The following MYT1 variants were observed in gnomAD, a reference collection of about 807,000 sequenced individuals.
MYT1 encodes myelin transcription factor I.
MYT1 carries 23 observed loss-of-function variants against 123.0 expected under a neutral mutation model. The observed-to-expected ratio is 0.19, with a 90% CI of 0.13 to 0.26. The LOEUF (loss-of-function observed/expected upper bound fraction) is 0.26, where lower values mean the gene tolerates loss of function less well. Ranked by LOEUF, MYT1 falls within the 10% of genes least tolerant of loss-of-function variation. MYT1 has a pLI of 1.00. For missense variants in MYT1, 1,125 were observed against 1,472.5 expected, an observed-to-expected ratio of 0.76 and a Z score of 3.86; for synonymous variants, 518 against 575.3, an observed-to-expected ratio of 0.90 and a Z score of 1.43.
At chr20:64,173,261 C>T (rs549074248) in intron 1 of MYT1, among the ~76,000 whole-genome samples, 2 of 152,254 alleles carry the variant, frequency 1.3e-5, no homozygotes, top group Non-Finnish European at 2.9e-5. Flanking sequence ...TCCTGAGCAC[C>T]GTGGGAGGGT....
Position 64,202,147 on chromosome 20 carries a change from A to G in MYT1, c.86+2225A>G, listed in dbSNP as rs535706667. Among the ~76,000 whole-genome samples the G allele has an allele frequency of 2.2e-4, 34 of 152,210 alleles. No homozygotes were observed. The highest frequency in any genetic ancestry group is 7.5e-4 in the African/African-American group (31 of 41,540). On this transcript the variant is annotated intron_variant, in intron 4 of 22. Coordinates refer to ENST00000328439, the MANE Select transcript of MYT1 (RefSeq NM_004535.3). This position sits in a 1 kb window ranked among gnomAD's most constrained non-coding sequence, Gnocchi z 5.0. ...CACAGCCTGCAGTGCCCCTAACCCC[A>G]GCTCGCCTCCCCACCAGCTCAGGCA...
At position 64,240,900 on chromosome 20, in the gene MYT1, G is replaced by T; in HGVS notation, c.*452G>T. On this transcript the variant is annotated 3_prime_UTR_variant, in exon 23 of 23. Coordinates refer to ENST00000328439, the MANE Select transcript of MYT1 (RefSeq NM_004535.3). ...GGGGCAGCGTGTCTGTGCTCAGTGA[G>T]GGCCGATGAAGAAAGTGCGTTTTCT... 1 of 164,050 alleles carries T rather than the reference G, an allele frequency of 6.1e-6. No individual in the cohort carries two copies. The highest frequency in any genetic ancestry group is 1.3e-5 in the Non-Finnish European group (1 of 75,236). 10.2% of individuals were successfully genotyped at this position (164,050 alleles called of 1,614,324 possible).
At chr20:64,207,454 G>A (rs1983513575) in intron 6 of MYT1, 140 bp from the exon 7 acceptor site, 1 of 1,445,778 alleles carries the variant, frequency 6.9e-7, no homozygotes, top group Admixed American at 2.4e-5. Flanking sequence ...CCCACTTCTG[G>A]AGTTTCATGT....
chr20:64,172,989 A>G (rs951009292), intron 1 of MYT1, among the ~76,000 whole-genome samples: 12 of 151,992 alleles, frequency 7.9e-5, no homozygotes, highest in African/African-American at 2.7e-4. Flanking sequence ...TCGGCCTCCC[A>G]AAGTGTTAGG....
chr20:64,165,985 A>G (rs1021943661), intron 1 of MYT1, among the ~76,000 whole-genome samples: 1 of 152,048 alleles, frequency 6.6e-6, no homozygotes, highest in Non-Finnish European at 1.5e-5. Flanking sequence ...GTGCCAGCAG[A>G]GCCTGTCCTG....
chr20:64,184,208 C>G (rs1424552629), intron 1 of MYT1, among the ~76,000 whole-genome samples: 2 of 152,118 alleles, frequency 1.3e-5, no homozygotes, highest in African/African-American at 4.8e-5. Context: ...GTGTTGTTGT[C>G]ATAGCTAAGA....
intron 21 of MYT1, among the ~76,000 whole-genome samples, chr20:64,238,415 CT>C (rs1984613895): frequency 6.6e-6 from 1 of 151,596 alleles, no homozygotes; most frequent in Non-Finnish European, 1.5e-5. Context: ...TGACTCTGCT[CT>C]GGTCTCTACT....
At chr20:64,223,857 G>T (rs555816293) in intron 16 of MYT1, among the ~76,000 whole-genome samples, 1 of 152,164 alleles carries the variant, frequency 6.6e-6, no homozygotes, top group Non-Finnish European at 1.5e-5. Flanking sequence ...AGCTGCTTCT[G>T]CCTTGGCCCT....
intron 20 of MYT1, among the ~76,000 whole-genome samples, chr20:64,237,051 C>T (rs1448965553): frequency 2.0e-5 from 3 of 152,200 alleles, no homozygotes; most frequent in East Asian, 3.8e-4. Context: ...AGCCTTTCCA[C>T]CTGCCAGCCA....
chr20:64,197,410 GC>G lies in MYT1; in HGVS notation c.1-1447del, dbSNP rs201241469. On this transcript the variant is annotated intron_variant, in intron 2 of 22. Transcript: ENST00000328439. ...CCATTTAAGACGTGGGGGCTTCTGA[GC>G]CCCCTCCTGCTGCCTCTCTTCCTTT... 8.9e-3 allele frequency among the ~76,000 whole-genome samples: 1,353 copies of G among 152,286 alleles called. 25 individuals are homozygous for G. Among genetic ancestry groups the G allele is most frequent in the African/African-American group, 0.031 (1,299 of 41,546 alleles).
intron 16 of MYT1, among the ~76,000 whole-genome samples, chr20:64,225,140 A>C (rs1293702538): frequency 1.3e-5 from 2 of 152,116 alleles, no homozygotes; most frequent in African/African-American, 4.8e-5. Context: ...ATGGGAGGCC[A>C]CTTCCTTTCC....
chr20:64,217,225 A>G lies in MYT1; in HGVS notation c.1790A>G (p.Lys597Arg). The G allele has an allele frequency of 6.2e-7, 1 of 1,614,262 alleles. No homozygotes were observed. Among genetic ancestry groups the G allele is most frequent in the Non-Finnish European group, 8.5e-7 (1 of 1,180,048 alleles). Residue 597 changes from lysine to arginine, a missense_variant, in exon 11 of 23, where the codon AAA becomes AGA. Coordinates refer to ENST00000328439, the MANE Select transcript of MYT1 (RefSeq NM_004535.3). ...YASFDAQVFG[K>R]RMLAPKIQTS... ...AGTTTCGATGCTCAGGTTTTTGGCA[A>G]ACGCATGCTTGCCCCAAAGATTCAG...
chr20:64,200,904 C>T (rs1043750132), intron 4 of MYT1, among the ~76,000 whole-genome samples: 1 of 152,192 alleles, frequency 6.6e-6, no homozygotes, highest in Admixed American at 6.5e-5. Context: ...CGGGTGCTCC[C>T]CAGAACACAG....
At chr20:64,222,942 T>C (rs573621035) in intron 14 of MYT1, among the ~76,000 whole-genome samples, 169 bp from the exon 15 acceptor site, 2 of 152,340 alleles carry the variant, frequency 1.3e-5, no homozygotes, top group Admixed American at 1.3e-4. Context: ...GGGAGAAACT[T>C]CCAGCCTGAG....
chr20:64,221,785 TG>T, intron 13 of MYT1, 107 bp from the exon 14 acceptor site: 1 of 1,148,200 alleles, frequency 8.7e-7, no homozygotes, highest in Admixed American at 2.5e-5. Flanking sequence ...CTCCGGGAGA[TG>T]CTTCTGTGGA....
intron 21 of MYT1, 59 bp from the exon 22 acceptor site, chr20:64,239,701 G>T: frequency 6.2e-7 from 1 of 1,606,184 alleles, no homozygotes; most frequent in South Asian, 1.1e-5. Context: ...GCCCAGAGAG[G>T]ACCCCCAGGA....
intron 7 of MYT1, among the ~76,000 whole-genome samples, chr20:64,209,435 TCTC>T (rs1242815680): frequency 6.6e-6 from 1 of 152,182 alleles, no homozygotes; most frequent in Non-Finnish European, 1.5e-5. Context: ...TGGCCTCTAT[TCTC>T]CTAAGACTAG....
At chr20:64,239,387 A>G (rs1230794365) in intron 21 of MYT1, among the ~76,000 whole-genome samples, 1 of 152,132 alleles carries the variant, frequency 6.6e-6, no homozygotes, top group Non-Finnish European at 1.5e-5. Context: ...AGATTGAGAC[A>G]GGGCGCTGTG....
intron 1 of MYT1, among the ~76,000 whole-genome samples, chr20:64,181,660 G>A (rs553877394): frequency 2.0e-5 from 3 of 152,246 alleles, no homozygotes; most frequent in Admixed American, 1.3e-4. Flanking sequence ...ACTGTTAGTC[G>A]AGGGAGCCTG....
Sources: allele counts gnomAD v4.1 joint callset (sites outside exome capture counted in the v4.1 genomes callset), GRCh38; gene constraint gnomAD v4.1.1; non-coding constraint Gnocchi (gnomAD v3.1); transcripts MANE v1.5; gene names NCBI Gene and HGNC (gene_info 2026-07-23, HGNC 2026-07-21).